The following NPC1 variants were observed in gnomAD, a reference collection of about 807,000 sequenced individuals.
The protein encoded by NPC1 is NPC intracellular cholesterol transporter 1, also known as Niemann-Pick C1 protein.
In NPC1, 85 loss-of-function variants were observed where a neutral mutation model predicts 140.4. The ratio of observed to expected loss-of-function variants is 0.61; its 90% CI spans 0.51 to 0.72. The LOEUF (loss-of-function observed/expected upper bound fraction) is 0.72, where lower values mean the gene tolerates loss of function less well. Among genes scored for constraint, NPC1 ranks in the 30% least tolerant of loss-of-function variants. The pLI, the probability that NPC1 is intolerant of heterozygous loss-of-function variation, is 0.00. For missense variants in NPC1, 1,504 were observed against 1,623.8 expected, an observed-to-expected ratio of 0.93 and a Z score of 1.27; for synonymous variants, 656 against 624.8, an observed-to-expected ratio of 1.05 and a Z score of -0.74.
At chr18:23,511,827 A>C (rs1294358450) in intron 3 of NPC1, among the ~76,000 whole-genome samples, 1 of 152,114 alleles carries the variant, frequency 6.6e-6, no homozygotes, top group African/African-American at 2.4e-5. Flanking sequence ...ATGCTTGTAC[A>C]CACTTCTTTA....
rs183182764 is a variant in NPC1 at position 23,558,532 on chromosome 18, A to G, written c.882-1342T>C. Among the ~76,000 whole-genome samples, 14 of 152,344 alleles carry G rather than the reference A, an allele frequency of 9.2e-5. No homozygotes were observed. In the East Asian group the frequency reaches 2.7e-3, roughly 29 times the overall value. On this transcript the variant is annotated intron_variant, in intron 6 of 24. Coordinates refer to ENST00000269228, the MANE Select transcript of NPC1 (RefSeq NM_000271.5). ...TCAAGAGTGTTAAGGCCAGAAAAGG[A>G]AAGACTGAGGAACTTTCTGTCACAG...
At position 23,532,134 on chromosome 18, in the gene NPC1, C is replaced by T. The variant is rs139720390; in HGVS notation, c.*68G>A. On this transcript the variant is annotated 3_prime_UTR_variant, in exon 25 of 25. Transcript: ENST00000269228. The stretch of plus-strand genomic sequence containing the variant: ...GGTGTTCAACTTGGCCTTGCCGATG[C>T]AGCACCCGTCCAGTGGTAAACCGAC... The T allele has an allele frequency of 7.5e-4, 1,207 of 1,614,066 alleles. 13 individuals carry two copies. The Admixed American group carries it at 0.017, about 22-fold the overall frequency.
At position 23,586,485 on chromosome 18, in the gene NPC1, G is replaced by A. The variant is rs1461201080; in HGVS notation, c.-142C>T. On this transcript the variant is annotated 5_prime_UTR_variant, in exon 1 of 25. Transcript: ENST00000269228. ...GAGCAGGCGCTGACCGCGGCAGCAGGCTGCGCGCGCCGGTCAGGAAGGAAG... is the reference window on the plus strand; with the variant it reads ...GAGCAGGCGCTGACCGCGGCAGCAGACTGCGCGCGCCGGTCAGGAAGGAAG... 4.9e-6 allele frequency: 7 copies of A among 1,426,456 alleles called. No individual in the cohort carries two copies. In the African/African-American group the frequency reaches 1.1e-4, roughly 21 times the overall value. 88.4% of individuals were successfully genotyped at this position (1,426,456 alleles called of 1,614,324 possible).
chr18:23,577,742 G>A (rs1045838315), intron 1 of NPC1, among the ~76,000 whole-genome samples: 2 of 152,256 alleles, frequency 1.3e-5, no homozygotes, highest in African/African-American at 4.8e-5. Flanking sequence ...GGAGGCTCTG[G>A]CATGGCGGGC....
chr18:23,517,394 C>T (rs1289108568), downstream of NPC1, among the ~76,000 whole-genome samples: 1 of 152,064 alleles, frequency 6.6e-6, no homozygotes, highest in Non-Finnish European at 1.5e-5. Flanking sequence ...TTGATCTGCC[C>T]TCCTCAGCCT....
chr18:23,539,592 A>C lies in NPC1; in HGVS notation c.2796-122T>G. 3.7e-6 allele frequency: 3 copies of C among 808,784 alleles called. No homozygotes were observed. In the South Asian group the frequency reaches 5.0e-5, roughly 13 times the overall value. 50.1% of individuals were successfully genotyped at this position (808,784 alleles called of 1,614,324 possible). On this transcript the variant is annotated intron_variant, in intron 18 of 24. Coordinates refer to ENST00000269228, the MANE Select transcript of NPC1 (RefSeq NM_000271.5). ...TATACTGCTAACAGTCAAAAGAAAA[A>C]CTACATGAGCACTTAATGAAAAAAG...
chr18:23,566,934 T>C lies in NPC1; in HGVS notation c.463+1889A>G, dbSNP rs560794775. On this transcript the variant is annotated intron_variant, in intron 4 of 24. Coordinates refer to ENST00000269228, the MANE Select transcript of NPC1 (RefSeq NM_000271.5). ...CGTCATATAGTGGAATCATAGTGAGTAGTCTTTTCAGATTGGCTTTGCTTA... is the reference window on the plus strand; with the variant it reads ...CGTCATATAGTGGAATCATAGTGAGCAGTCTTTTCAGATTGGCTTTGCTTA... 1.3e-4 allele frequency among the ~76,000 whole-genome samples: 20 copies of C among 152,336 alleles called. No homozygotes were observed. In the South Asian group the frequency reaches 3.5e-3, roughly 27 times the overall value.
intron 3 of NPC1, among the ~76,000 whole-genome samples, chr18:23,571,201 T>C (rs1281166422): frequency 6.8e-6 from 1 of 148,000 alleles, no homozygotes; most frequent in African/African-American, 2.5e-5. Context: ...ATTGTAAGAG[T>C]GCTTTCTTAA....
chr18:23,517,407 C>G (rs575881310), downstream of NPC1, among the ~76,000 whole-genome samples: 22 of 152,274 alleles, frequency 1.4e-4, no homozygotes, highest in African/African-American at 5.1e-4. Flanking sequence ...CTCAGCCTCC[C>G]AAAGTGTTGG....
chr18:23,529,078 C>G (rs2058399738), downstream of NPC1: 1 of 1,507,014 alleles, frequency 6.6e-7, no homozygotes, highest in African/African-American at 1.4e-5. Flanking sequence ...CCGCTCATAT[C>G]CTGGGTCCAC....
chr18:23,526,771 T>G, downstream of NPC1: 4 of 1,613,588 alleles, frequency 2.5e-6, no homozygotes, highest in Non-Finnish European at 3.4e-6. Flanking sequence ...ACAGAGTAAG[T>G]TGAATCCTTC....
chr18:23,526,650 C>T, downstream of NPC1: 9 of 1,613,986 alleles, frequency 5.6e-6, no homozygotes, highest in Non-Finnish European at 6.8e-6. Flanking sequence ...ACCTCTGGAA[C>T]CTCCAAGTGA....
chr18:23,520,270 G>A, downstream of NPC1: 1 of 1,614,068 alleles, frequency 6.2e-7, no homozygotes, highest in Non-Finnish European at 8.5e-7. Flanking sequence ...ACCACCCCGT[G>A]CTTCCCGCTC....
chr18:23,517,300 C>T (rs887125877), intron 3 of NPC1, among the ~76,000 whole-genome samples: 1 of 151,646 alleles, frequency 6.6e-6, no homozygotes, highest in African/African-American at 2.4e-5. Flanking sequence ...CAGGTGCGTG[C>T]CACCATGCCC....
rs543692844 is a variant in NPC1, at chr18:23,511,980, G to A, written c.432-5338C>T. ...CCTTTAGGAGGACTGGATATTATCA[G>A]TCTATAGACATTTGCCAACCTGAGA... On this transcript the variant is annotated intron_variant, in intron 3 of 3. Coordinates refer to the NPC1 transcript ENST00000591107. Among the ~76,000 whole-genome samples the A allele has an allele frequency of 6.0e-5, 9 of 149,396 alleles. No individual in the cohort carries two copies. The East Asian group carries it at 1.8e-3, about 30-fold the overall frequency.
chr18:23,569,282 T>C (rs2059169154), intron 3 of NPC1, among the ~76,000 whole-genome samples: 1 of 152,226 alleles, frequency 6.6e-6, no homozygotes, highest in Non-Finnish European at 1.5e-5. Context: ...GAGACATACA[T>C]TCTCTGACCT....
At position 23,550,383 on chromosome 18, in the gene NPC1, G is replaced by A. The variant is rs558572608; in HGVS notation, c.1654+1244C>T. 1.9e-4 allele frequency among the ~76,000 whole-genome samples: 29 copies of A among 151,378 alleles called. No homozygotes were observed. In the East Asian group the frequency reaches 4.3e-3, roughly 22 times the overall value. On this transcript the variant is annotated intron_variant, in intron 10 of 24. Coordinates refer to ENST00000269228, the MANE Select transcript of NPC1 (RefSeq NM_000271.5). Reference sequence around the variant, plus strand: ...TCAACTTCATCAGTCTTTCCTTTTCGGGCTTCTGAGTTTTGTGTCTTGCTT... The same window carrying A: ...TCAACTTCATCAGTCTTTCCTTTTCAGGCTTCTGAGTTTTGTGTCTTGCTT...
intron 1 of NPC1, among the ~76,000 whole-genome samples, chr18:23,523,663 T>C (rs2058210079): frequency 6.6e-6 from 1 of 151,776 alleles, no homozygotes; most frequent in Non-Finnish European, 1.5e-5. Flanking sequence ...TTCGTGGTTA[T>C]AGTGGGCTAT....
downstream of NPC1, among the ~76,000 whole-genome samples, chr18:23,517,893 T>G (rs1598874905): frequency 1.3e-5 from 2 of 152,180 alleles, no homozygotes; most frequent in African/African-American, 2.4e-5. Context: ...AATTTTTGTA[T>G]TTTCTGAAGA....
Sources: gnomAD v4.1 joint callset for allele counts (sites outside exome capture counted in the v4.1 genomes callset) on GRCh38, gnomAD v4.1.1 for gene constraint, MANE v1.5 for transcripts, NCBI Gene and HGNC (gene_info 2026-07-23, HGNC 2026-07-21) for gene names.